Variants in NME7 observed in about 807,000 individuals in gnomAD.
NME7 encodes the protein nucleoside diphosphate kinase 7.
In NME7, 41 loss-of-function variants were observed where a neutral mutation model predicts 49.1. The ratio of observed to expected loss-of-function variants is 0.83; its 90% confidence interval spans 0.65 to 1.08. NME7 has a LOEUF of 1.08. NME7 is among the 50% of genes least tolerant of loss of function. The probability of loss-of-function intolerance (pLI) is 0.00; values close to 1 mark genes in which losing one functional copy is unlikely to be tolerated. For missense variants in NME7, 423 were observed against 463.4 expected (o/e 0.91, Z 0.80); for synonymous variants, 139 against 150.6 (o/e 0.92, Z 0.56).
chr1:169,215,076 C>T (rs1252377537), intron 10 of NME7, among the ~76,000 whole-genome samples: 14 of 152,118 alleles, frequency 9.2e-5, no homozygotes, highest in Admixed American at 3.3e-4. Context: ...ATGGTGAATG[C>T]GGATAATTTC....
chr1:169,175,947 A>T (rs144055416), intron 10 of NME7, among the ~76,000 whole-genome samples: 4 of 152,274 alleles, frequency 2.6e-5, no homozygotes, highest in Non-Finnish European at 5.9e-5. Flanking sequence ...TAACTAAAAC[A>T]GCAAATATTT....
At chr1:169,234,505 CAAT>C (rs1558000102) in intron 9 of NME7, among the ~76,000 whole-genome samples, 1 of 151,332 alleles carries the variant, frequency 6.6e-6, no homozygotes, top group African/African-American at 2.4e-5. Context: ...ATAAAAACAA[CAAT>C]AATAGCAGGT....
At chr1:169,172,387 A>G (rs576571361) in intron 10 of NME7, among the ~76,000 whole-genome samples, 1 of 149,704 alleles carries the variant, frequency 6.7e-6, no homozygotes, top group South Asian at 2.1e-4. Context: ...CTTGTTTTCC[A>G]GCATCACTGG....
At chr1:169,264,702 T>G (rs1649265946) in intron 7 of NME7, among the ~76,000 whole-genome samples, 1 of 133,002 alleles carries the variant, frequency 7.5e-6, no homozygotes, top group Non-Finnish European at 1.8e-5. Flanking sequence ...AATAGATCAT[T>G]GAGGCAGAAA....
intron 10 of NME7, among the ~76,000 whole-genome samples, chr1:169,221,030 T>C (rs1157189272): frequency 6.6e-6 from 1 of 152,222 alleles, no homozygotes; most frequent in African/African-American, 2.4e-5. Context: ...GAGAGAACTC[T>C]GTTTTATTCC....
rs377334799 is a variant in NME7 at position 169,353,174 on chromosome 1, G to A, written c.3+14534C>T. ...ACAGAGCTATAGTAACCAAAACAGC[G>A]TGGTACTGGCATAAAAACAGACACA... On this transcript the variant is annotated intron_variant, in intron 1 of 11. Coordinates refer to ENST00000367811, the MANE Select transcript of NME7 (RefSeq NM_013330.5). Among the ~76,000 whole-genome samples the A allele has an allele frequency of 2.0e-4, 31 of 152,010 alleles. 1 individual carries two copies. The highest frequency in any genetic ancestry group is 8.3e-4 in the South Asian group (4 of 4,822).
rs1325381916 is a variant in NME7, at chr1:169,346,025, T to C, written c.4-21525A>G. ...TAATTCATCAGGAAATCCTATTAGA[T>C]CTACCTGCAAAACATATACACATTC... On this transcript the variant is annotated intron_variant, in intron 1 of 11. Transcript: ENST00000367811. Among the ~76,000 whole-genome samples the C allele has an allele frequency of 2.6e-5, 4 of 152,256 alleles. No individual in the cohort carries two copies. In the East Asian group the frequency reaches 5.8e-4, roughly 22 times the overall value.
At chr1:169,165,903 A>G (rs895529043) in intron 11 of NME7, among the ~76,000 whole-genome samples, 2 of 152,222 alleles carry the variant, frequency 1.3e-5, no homozygotes, top group African/African-American at 4.8e-5. Flanking sequence ...AATCAGCCAT[A>G]TAAGAGGAAG....
At chr1:169,165,889 A>C (rs16861990) in intron 11 of NME7, among the ~76,000 whole-genome samples, 8,520 of 152,278 alleles carry the variant, frequency 0.056, 285 homozygotes, top group South Asian at 0.11. Context: ...CATATCAAGA[A>C]AATAATCAGC....
chr1:169,291,340 A>G (rs141947209), intron 6 of NME7, among the ~76,000 whole-genome samples: 36,280 of 152,086 alleles, frequency 0.24, 5,431 homozygotes, highest in Non-Finnish European at 0.34. Flanking sequence ...ATAAAAATGG[A>G]TGAGTTCATG....
At chr1:169,335,544 G>C (rs931750333) in intron 1 of NME7, among the ~76,000 whole-genome samples, 1 of 151,704 alleles carries the variant, frequency 6.6e-6, no homozygotes, top group African/African-American at 2.4e-5. Flanking sequence ...ACATACCAGG[G>C]CCTGTTGTGG....
At chr1:169,267,851 T>C (rs907502311) in intron 7 of NME7, among the ~76,000 whole-genome samples, 3 of 133,138 alleles carry the variant, frequency 2.3e-5, no homozygotes, top group African/African-American at 7.6e-5. Flanking sequence ...AAGGATAACC[T>C]AGGAAATATC....
chr1:169,205,243 T>G (rs978880227), intron 10 of NME7, among the ~76,000 whole-genome samples: 1 of 152,174 alleles, frequency 6.6e-6, no homozygotes, highest in Non-Finnish European at 1.5e-5. Context: ...TGTTTTCCCA[T>G]GATCTTATGT....
chr1:169,256,263 C>G (rs1648927879), intron 7 of NME7, among the ~76,000 whole-genome samples: 1 of 133,316 alleles, frequency 7.5e-6, no homozygotes, highest in South Asian at 2.3e-4. Flanking sequence ...TTACTCATTT[C>G]TTTGTATTCT....
At chr1:169,183,194 T>C (rs1659973475) in intron 10 of NME7, among the ~76,000 whole-genome samples, 1 of 152,248 alleles carries the variant, frequency 6.6e-6, no homozygotes, top group Admixed American at 6.5e-5. Flanking sequence ...TATAAGTGCA[T>C]GCTCATAAAT....
At chr1:169,182,225 A>G (rs191345338) in intron 10 of NME7, among the ~76,000 whole-genome samples, 125 of 150,820 alleles carry the variant, frequency 8.3e-4, no homozygotes, top group African/African-American at 3.0e-3. Flanking sequence ...TGTATTAACC[A>G]GGCTAGTCTT....
chr1:169,329,410 A>C (rs960026605), intron 1 of NME7, among the ~76,000 whole-genome samples: 63 of 151,744 alleles, frequency 4.2e-4, no homozygotes, highest in African/African-American at 1.5e-3. Context: ...AAAAAAAAAA[A>C]AAAAACCTCT....
rs1391704422 is a variant in NME7, at chr1:169,275,832, T to C, written c.754+11471A>G. Among the ~76,000 whole-genome samples the C allele has an allele frequency of 3.0e-5, 4 of 133,434 alleles. 2 individuals are homozygous for C. Among genetic ancestry groups the C allele is most frequent in the African/African-American group, 5.1e-5 (2 of 39,410 alleles). The allele number at this position is 133,434 out of a possible 152,430, so 87.5% of individuals were successfully genotyped here. Reference sequence around the variant, plus strand: ...ATACTGGCTGTGGGTTTGTCATAGATAGCTCTTATTATTTTGAGATACATC... The same window carrying C: ...ATACTGGCTGTGGGTTTGTCATAGACAGCTCTTATTATTTTGAGATACATC... On this transcript the variant is annotated intron_variant, in intron 7 of 11. Transcript: ENST00000367811.
intron 4 of NME7, among the ~76,000 whole-genome samples, chr1:169,304,502 G>A (rs1308826214): frequency 6.6e-6 from 1 of 151,948 alleles, no homozygotes; most frequent in Non-Finnish European, 1.5e-5. Context: ...ACATTCATTT[G>A]GCTATGAAGA....
Sources: gnomAD v4.1 joint callset for allele counts (sites outside exome capture counted in the v4.1 genomes callset) on GRCh38, gnomAD v4.1.1 for gene constraint, MANE v1.5 for transcripts, NCBI Gene and HGNC (gene_info 2026-07-23, HGNC 2026-07-21) for gene names.